The following EPHB4 variants were observed in gnomAD, a reference collection of about 807,000 sequenced individuals.
EPHB4 encodes the protein EPH receptor B4.
Under a neutral mutation model 110.6 loss-of-function variants are expected in EPHB4, and 50 were observed. That is an observed-to-expected ratio of 0.45 (90% confidence interval 0.36 to 0.57). The LOEUF (loss-of-function observed/expected upper bound fraction) is 0.57, where lower values mean the gene tolerates loss of function less well. Among genes scored for constraint, EPHB4 ranks in the 20% least tolerant of loss-of-function variants. The pLI is 0.00. For missense variants in EPHB4, 1,128 were observed against 1,382.1 expected, an observed-to-expected ratio of 0.82 and a Z score of 2.91; for synonymous variants, 592 against 578.4, an observed-to-expected ratio of 1.02 and a Z score of -0.34.
intron 4 of EPHB4, among the ~76,000 whole-genome samples, chr7:100,821,520 C>T (rs1459990750): frequency 6.7e-5 from 10 of 149,162 alleles, no homozygotes; most frequent in African/African-American, 4.9e-5. Flanking sequence ...CCCAGCTACT[C>T]GGGAGGCTGA....
chr7:100,823,301 G>A (rs113772243), intron 3 of EPHB4, among the ~76,000 whole-genome samples: 69 of 152,224 alleles, frequency 4.5e-4, no homozygotes, highest in African/African-American at 1.6e-3. Flanking sequence ...CCCAGGTGGA[G>A]ACATCACCGC....
In EPHB4 at chr7:100,820,236, G is replaced by A; in HGVS notation, c.869C>T (p.Ala290Val). Residue 290 changes from alanine to valine, a missense_variant, in exon 5 of 17, where the codon GCC becomes GTC. This residue lies in a region of EPHB4 where 728 missense variants were observed against 828.6 expected (regional missense o/e 0.88). Coordinates refer to ENST00000358173, the MANE Select transcript of EPHB4 (RefSeq NM_004444.5). ...TCCAATGGTGTTAGAGTGGCTATTG[G>A]CTGGGCATGGCTGGCAGGACCCTTC... Reference protein sequence around the residue: ...SGEGSCQPCPANSHSNTIGSA... With the variant: ...SGEGSCQPCPVNSHSNTIGSA... 6.2e-7 allele frequency: 1 copy of A among 1,614,078 alleles called. No individual in the cohort carries two copies. The highest frequency in any genetic ancestry group is 8.5e-7 in the Non-Finnish European group (1 of 1,180,008).
intron 12 of EPHB4, 49 bp downstream of exon 12, chr7:100,812,698 G>C (rs1032835278): frequency 6.3e-7 from 1 of 1,582,976 alleles, no homozygotes; most frequent in Admixed American, 1.7e-5. Context: ...TGGCCTCTGG[G>C]TGTAAGTGGG....
chr7:100,817,451 T>C, intron 7 of EPHB4, 94 bp from the exon 8 acceptor site: 1 of 1,385,294 alleles, frequency 7.2e-7, no homozygotes, highest in South Asian at 1.4e-5. Flanking sequence ...CTCCCATCAC[T>C]AGCCTGCCTT....
In EPHB4 at chr7:100,806,520, C is replaced by T. The variant is rs772917108; in HGVS notation, c.2384G>A (p.Arg795Gln). ...GGCATCACTGGCGGAAGTGAACTTC[C>T]GGAAGGCAATGGCCTCCGGGGCAGT... Reference protein sequence around the residue: ...RWTAPEAIAFRKFTSASDAWS... With the variant: ...RWTAPEAIAFQKFTSASDAWS... Residue 795 changes from arginine to glutamine, a missense_variant, in exon 14 of 17, where the codon CGG becomes CAG. By Grantham distance (43) the Arg-to-Gln change is conservative. Coordinates refer to ENST00000358173, the MANE Select transcript of EPHB4 (RefSeq NM_004444.5). The T allele has an allele frequency of 5.6e-6, 9 of 1,614,098 alleles. No individual in the cohort carries two copies. Among genetic ancestry groups the T allele is most frequent in the Non-Finnish European group, 6.8e-6 (8 of 1,180,026 alleles).
At position 100,813,910 on chromosome 7, in the gene EPHB4, A is replaced by T; in HGVS notation, c.1691+9T>A. The stretch of plus-strand genomic sequence containing the variant: ...GCTTCCAGGGGCCTCTGGGTGTCAG[A>T]GCCCTTACCTGAGGCAGAGAACTGC... On this transcript the variant is annotated intron_variant, in intron 9 of 16. Transcript: ENST00000358173. 1 of 1,613,850 alleles carries T rather than the reference A, an allele frequency of 6.2e-7. No individual in the cohort carries two copies. The highest frequency in any genetic ancestry group is 1.3e-5 in the African/African-American group (1 of 75,030).
At chr7:100,805,368 C>T (rs367858878) in intron 15 of EPHB4, 47 bp from the exon 16 acceptor site, 44 of 1,609,024 alleles carry the variant, frequency 2.7e-5, no homozygotes, top group East Asian at 6.7e-5. Context: ...GGCCCAGGTC[C>T]GGGGGAGGAG....
chr7:100,816,458 C>T (rs887849295), intron 8 of EPHB4, among the ~76,000 whole-genome samples: 5 of 151,864 alleles, frequency 3.3e-5, no homozygotes, highest in South Asian at 2.1e-4. Context: ...CTCAGCCTCC[C>T]GAGTAGCTGG....
chr7:100,813,309 T>TTG, intron 10 of EPHB4, 101 bp from the exon 11 acceptor site: 2 of 664,596 alleles, frequency 3.0e-6, no homozygotes, highest in Non-Finnish European at 4.6e-6. Context: ...CTCCGTGGTT[T>TTG]TTTTTTTTTT....
At chr7:100,814,542 GT>G (rs1813021870) in intron 8 of EPHB4, among the ~76,000 whole-genome samples, 1 of 152,048 alleles carries the variant, frequency 6.6e-6, no homozygotes, top group Non-Finnish European at 1.5e-5. Context: ...TTTTGATTTG[GT>G]TCTAGTATAA....
At chr7:100,821,796 T>G (rs1813241791) in intron 4 of EPHB4, among the ~76,000 whole-genome samples, 2 of 151,644 alleles carry the variant, frequency 1.3e-5, no homozygotes, top group Non-Finnish European at 2.9e-5. Context: ...GGGGCCCAAG[T>G]GTCAGGTCCT....
chr7:100,806,816 G>C (rs564944166), intron 13 of EPHB4, among the ~76,000 whole-genome samples: 1 of 152,048 alleles, frequency 6.6e-6, no homozygotes, highest in African/African-American at 2.4e-5. Context: ...GATTACAGGC[G>C]TGTACCACCA....
rs1337625080 is a variant in EPHB4 at position 100,805,650 on chromosome 7, TG to T, written c.2528del (p.Pro843GlnfsTer35). 3 of 1,537,016 alleles carry T rather than the reference TG, an allele frequency of 2.0e-6. No individual in the cohort carries two copies. Among genetic ancestry groups the T allele is most frequent in the South Asian group, 1.3e-5 (1 of 79,244 alleles). ...GCTGGTGGAGGGAGGTGGGACAGTC[TG>T]GGGGCGGGGGCAGCCGGTAGTCCTG... ...IEQDYRLPPP[P>X]DCPTSLHQLM... On this transcript the variant is annotated frameshift_variant, in exon 15 of 17. Transcript: ENST00000358173. LOFTEE classifies it high-confidence loss of function.
At chr7:100,810,643 T>G (rs1812906211) in intron 12 of EPHB4, among the ~76,000 whole-genome samples, 1 of 152,112 alleles carries the variant, frequency 6.6e-6, no homozygotes, top group South Asian at 2.1e-4. Context: ...CCCAGGAGGC[T>G]GAGGCAGGAG....
intron 8 of EPHB4, among the ~76,000 whole-genome samples, chr7:100,815,942 G>A (rs984395691): frequency 6.6e-6 from 1 of 151,892 alleles, no homozygotes; most frequent in Non-Finnish European, 1.5e-5. Context: ...GAGCTATGAT[G>A]GTGCCACCGC....
At chr7:100,814,134 G>C in intron 8 of EPHB4, 113 bp from the exon 9 acceptor site, 4 of 1,158,862 alleles carry the variant, frequency 3.5e-6, no homozygotes, top group Non-Finnish European at 3.7e-6. Flanking sequence ...CAGTACAGGG[G>C]ACAGGTGGAG....
intron 16 of EPHB4, among the ~76,000 whole-genome samples, chr7:100,804,461 C>T (rs569064665): frequency 5.9e-5 from 9 of 151,836 alleles, no homozygotes; most frequent in South Asian, 2.1e-4. Context: ...ATTACAGGCA[C>T]GCACCACCAT....
chr7:100,824,932 G>A (rs1446275192), intron 1 of EPHB4: 1 of 152,406 alleles, frequency 6.6e-6, no homozygotes. Flanking sequence ...CAGAGGGGAG[G>A]AGATTCTGGG....
intron 9 of EPHB4, 41 bp from the exon 10 acceptor site, chr7:100,813,757 C>T (rs764418658): frequency 1.9e-6 from 3 of 1,613,578 alleles, no homozygotes; most frequent in Non-Finnish European, 1.7e-6. Context: ...AACTGAGTCA[C>T]ACATCTTTAT....
Sources: gnomAD v4.1 joint callset for allele counts (sites outside exome capture counted in the v4.1 genomes callset) on GRCh38, gnomAD v4.1.1 for gene constraint, gnomAD v4.1.1 regional missense constraint, MANE v1.5 for transcripts, NCBI Gene and HGNC (gene_info 2026-07-23, HGNC 2026-07-21) for gene names.